Variants in NEDD9 observed in about 807,000 individuals in gnomAD.
The protein encoded by NEDD9 is neural precursor cell expressed, developmentally down-regulated 9, also known as enhancer of filamentation 1.
In NEDD9, 26 loss-of-function variants were observed where a neutral mutation model predicts 76.6. That is an observed-to-expected ratio of 0.34 (90% CI 0.25 to 0.47). The LOEUF is 0.47. NEDD9 is among the 20% of genes least tolerant of loss of function. NEDD9 has a pLI of 1.00. For missense variants in NEDD9, 937 were observed against 1,058.5 expected (o/e 0.89, Z 1.59); for synonymous variants, 392 against 414.2 (o/e 0.95, Z 0.65).
chr6:11,237,191 G>A (rs1279705465), upstream of NEDD9, among the ~76,000 whole-genome samples: 1 of 152,068 alleles, frequency 6.6e-6, no homozygotes, highest in East Asian at 1.9e-4. This position sits in a 1 kb window ranked among gnomAD's most constrained non-coding sequence, Gnocchi z 4.9. Context: ...CTATTATAAG[G>A]GCTTTCCACG....
chr6:11,285,660 G>A (rs1316299435), intron 3 of NEDD9, among the ~76,000 whole-genome samples: 1 of 152,122 alleles, frequency 6.6e-6, no homozygotes, highest in Non-Finnish European at 1.5e-5. Context: ...ATGTGATATT[G>A]GCTTAAAGAC....
chr6:11,304,587 A>G (rs1203856496), intron 3 of NEDD9, among the ~76,000 whole-genome samples: 1 of 152,270 alleles, frequency 6.6e-6, no homozygotes, highest in Admixed American at 6.5e-5. Context: ...CTGGATTGAG[A>G]AAATGTGGCA....
intron 3 of NEDD9, among the ~76,000 whole-genome samples, chr6:11,299,672 G>A (rs1368627645): frequency 1.3e-5 from 2 of 152,204 alleles, no homozygotes; most frequent in Non-Finnish European, 2.9e-5. Context: ...GGATCAGGCA[G>A]CAATATTTGC....
chr6:11,260,095 A>G (rs57562398), intron 3 of NEDD9, among the ~76,000 whole-genome samples: 1 of 152,172 alleles, frequency 6.6e-6, no homozygotes, highest in East Asian at 1.9e-4. Context: ...AACCCAAAAA[A>G]CGGAAATTAA....
intron 1 of NEDD9, among the ~76,000 whole-genome samples, chr6:11,342,000 A>AC (rs1259122977): frequency 3.9e-5 from 6 of 152,158 alleles, no homozygotes; most frequent in Non-Finnish European, 8.8e-5. Context: ...ATAAATGGGA[A>AC]CCCTAAAAAG....
At chr6:11,343,589 G>T (rs1411010508) in intron 1 of NEDD9, among the ~76,000 whole-genome samples, 1 of 152,130 alleles carries the variant, frequency 6.6e-6, no homozygotes. Flanking sequence ...TTCCATTTGG[G>T]CAAGAACTTT....
chr6:11,285,778 A>C (rs1760635067), intron 3 of NEDD9, among the ~76,000 whole-genome samples: 1 of 152,224 alleles, frequency 6.6e-6, no homozygotes, highest in South Asian at 2.1e-4. Context: ...TTCTTTCAAC[A>C]AATGGTGCTA....
intron 1 of NEDD9, among the ~76,000 whole-genome samples, chr6:11,366,311 G>GGAAGGAA (rs1561849023): frequency 7.0e-6 from 1 of 143,496 alleles, no homozygotes; most frequent in African/African-American, 2.7e-5. Flanking sequence ...AAGAAAGAAA[G>GGAAGGAA]AGAAAGAAAG....
intron 1 of NEDD9, among the ~76,000 whole-genome samples, chr6:11,215,290 A>G (rs1260315457): frequency 1.3e-5 from 2 of 152,196 alleles, no homozygotes; most frequent in Non-Finnish European, 2.9e-5. Flanking sequence ...CAGTTATGAG[A>G]TCCAGGAAGT....
At chr6:11,267,588 G>A (rs1329022507) in intron 3 of NEDD9, among the ~76,000 whole-genome samples, 1 of 152,114 alleles carries the variant, frequency 6.6e-6, no homozygotes, top group African/African-American at 2.4e-5. Flanking sequence ...AAATACATAT[G>A]CTGATTGCTG....
At position 11,237,733 on chromosome 6, in the gene NEDD9, G is replaced by A. The variant is rs1178337173; in HGVS notation, c.13-24006C>T. Among the ~76,000 whole-genome samples the A allele has an allele frequency of 6.6e-6, 1 of 152,166 alleles. No homozygotes were observed. Among genetic ancestry groups the A allele is most frequent in the African/African-American group, 2.4e-5 (1 of 41,436 alleles). On this transcript the variant is annotated intron_variant, in intron 3 of 3. Transcript: ENST00000397378. This position sits in a 1 kb window ranked among gnomAD's most constrained non-coding sequence, Gnocchi z 4.9. ...CCACAGAGATGGCAAAGCCCCCAAAGCCGAAGAAGAAAAAGTATTATTTGG... is the reference window on the plus strand; with the variant it reads ...CCACAGAGATGGCAAAGCCCCCAAAACCGAAGAAGAAAAAGTATTATTTGG...
chr6:11,306,775 A>C (rs2113423257), intron 2 of NEDD9, among the ~76,000 whole-genome samples: 1 of 152,320 alleles, frequency 6.6e-6, no homozygotes, highest in East Asian at 1.9e-4. Flanking sequence ...TTTCCAGAAA[A>C]GGAGAAAAAC....
Position 11,190,309 on chromosome 6 carries a change from C to T in NEDD9, c.1560G>A (p.Lys520=). The change falls in exon 5 of 7, where the codon AAG becomes AAA. Residue 520 remains lysine, a synonymous_variant. Transcript: ENST00000379446. This position sits in a 1 kb window ranked among gnomAD's most constrained non-coding sequence, Gnocchi z 5.8. ...CCAGATCGTCACACTTGTTCTGGGG[C>T]TTGTTGATGGCCAAGATATTCAGGG... ...SWSLNILAIN[K]PQNKCDDLDR... 1 of 1,614,238 alleles carries T rather than the reference C, an allele frequency of 6.2e-7. No homozygotes were observed. The highest frequency in any genetic ancestry group is 8.5e-7 in the Non-Finnish European group (1 of 1,180,054).
chr6:11,204,806 C>T (rs1310447526), intron 2 of NEDD9, among the ~76,000 whole-genome samples: 1 of 150,176 alleles, frequency 6.7e-6, no homozygotes, highest in African/African-American at 2.5e-5. Context: ...AACATAGCAA[C>T]ATTCTCAGTG....
intron 2 of NEDD9, among the ~76,000 whole-genome samples, chr6:11,319,979 T>C (rs1761750072): frequency 6.6e-6 from 1 of 152,190 alleles, no homozygotes; most frequent in Non-Finnish European, 1.5e-5. Context: ...GAAAAAAATA[T>C]TTCAAGAAAG....
At chr6:11,197,458 T>G (rs946359438) in intron 2 of NEDD9, among the ~76,000 whole-genome samples, 1 of 152,182 alleles carries the variant, frequency 6.6e-6, no homozygotes, top group Admixed American at 6.5e-5. Context: ...TTTCCATATG[T>G]GGATTTTCTG....
At chr6:11,239,998 C>G (rs572170932) in intron 3 of NEDD9, among the ~76,000 whole-genome samples, 2 of 144,802 alleles carry the variant, frequency 1.4e-5, no homozygotes, top group Non-Finnish European at 3.0e-5. Flanking sequence ...GAGCCAAGAT[C>G]GAGCCACTGC....
intron 1 of NEDD9, among the ~76,000 whole-genome samples, chr6:11,336,769 CT>C (rs1429371866): frequency 6.6e-6 from 1 of 152,198 alleles, no homozygotes; most frequent in Non-Finnish European, 1.5e-5. Flanking sequence ...ATTAAAACTT[CT>C]TTACTCTTTT....
intron 3 of NEDD9, among the ~76,000 whole-genome samples, chr6:11,239,545 G>C (rs1347723593): frequency 2.0e-5 from 3 of 152,174 alleles, no homozygotes; most frequent in African/African-American, 7.2e-5. Context: ...ATGAATGAAA[G>C]TCTATTATTA....
Sources: allele counts gnomAD v4.1 joint callset (sites outside exome capture counted in the v4.1 genomes callset), GRCh38; gene constraint gnomAD v4.1.1; non-coding constraint Gnocchi (gnomAD v3.1); transcripts MANE v1.5; gene names NCBI Gene and HGNC (gene_info 2026-07-23, HGNC 2026-07-21).